Variants in CDC6 observed in about 807,000 individuals in gnomAD.
CDC6 encodes DNA replication factor CDC6.
In CDC6, 46 loss-of-function variants were observed where a neutral mutation model predicts 60.2. The ratio of observed to expected loss-of-function variants is 0.76; its 90% CI spans 0.60 to 0.98. The LOEUF (loss-of-function observed/expected upper bound fraction) is 0.98. Among genes scored for constraint, CDC6 ranks in the 50% least tolerant of loss-of-function variants. The pLI, the probability that CDC6 is intolerant of heterozygous loss-of-function variation, is 0.00. For synonymous variants in CDC6, 210 were observed against 233.2 expected (o/e 0.90, Z 0.90); for missense variants, 596 against 652.9 (o/e 0.91, Z 0.95).
chr17:40,303,691 C>G lies in CDC6; in HGVS notation c.*1690C>G, dbSNP rs2032967185. The G allele has an allele frequency of 6.6e-6, 1 of 152,200 alleles. No homozygotes were observed. Among genetic ancestry groups the G allele is most frequent in the South Asian group, 2.1e-4 (1 of 4,836 alleles). The allele number at this position is 152,200 out of a possible 1,614,324, so 9.4% of individuals were successfully genotyped here. On this transcript the variant is annotated 3_prime_UTR_variant, in exon 12 of 12. Coordinates refer to ENST00000209728, the MANE Select transcript of CDC6 (RefSeq NM_001254.4). The stretch of plus-strand genomic sequence containing the variant: ...TGAACATGGAAACACAGTTCTATAC[C>G]TAGAAGGTTGGAAAGTGTCTGGGAC...
rs764828062 is a variant in CDC6 at position 40,302,401 on chromosome 17, C to A, written c.*400C>A. ...GGCGCGTCTCACCCTGTTGCCCAGG[C>A]TGGAGTGCAATGGCGCGTTCTCTGC... On this transcript the variant is annotated 3_prime_UTR_variant, in exon 12 of 12. Coordinates refer to ENST00000209728, the MANE Select transcript of CDC6 (RefSeq NM_001254.4). 4.2e-6 allele frequency: 1 copy of A among 235,348 alleles called. No individual in the cohort carries two copies. Among genetic ancestry groups the A allele is most frequent in the Non-Finnish European group, 8.4e-6 (1 of 119,094 alleles). 14.6% of individuals were successfully genotyped at this position (235,348 alleles called of 1,614,324 possible). A position where few individuals can be genotyped will look rare whatever the true frequency, so the allele number is the denominator to read the frequency against.
intron 7 of CDC6, among the ~76,000 whole-genome samples, chr17:40,295,100 ATTT>A (rs991100987): frequency 2.0e-5 from 3 of 152,030 alleles, no homozygotes; most frequent in African/African-American, 7.2e-5. Context: ...GACTAAATAG[ATTT>A]TTTATTTTTG....
rs1010713345 is a variant in CDC6, at chr17:40,287,957, C to G, written c.-147C>G. ...GTTCAGGGGCTTGTGGTGGTGAGTC[C>G]GAGAGGCTGCGTGTGAGAGACGTGA... On this transcript the variant is annotated 5_prime_UTR_variant, in exon 1 of 12. Coordinates refer to ENST00000209728, the MANE Select transcript of CDC6 (RefSeq NM_001254.4). 6.5e-6 allele frequency: 1 copy of G among 153,272 alleles called. No individual in the cohort carries two copies. The highest frequency in any genetic ancestry group is 1.5e-5 in the Non-Finnish European group (1 of 68,442). 9.5% of individuals were successfully genotyped at this position (153,272 alleles called of 1,614,324 possible).
At chr17:40,296,852 A>G in intron 9 of CDC6, 85 bp downstream of exon 9, 2 of 936,430 alleles carry the variant, frequency 2.1e-6, no homozygotes, top group Admixed American at 3.4e-5. Flanking sequence ...TGAAATGAAC[A>G]TAGTTAAATC....
At chr17:40,295,253 A>T (rs2032840959) in intron 7 of CDC6, 103 bp from the exon 8 acceptor site, 1 of 825,434 alleles carries the variant, frequency 1.2e-6, no homozygotes, top group Non-Finnish European at 2.2e-6. Flanking sequence ...AAGAGTTGCC[A>T]ATCAAGTTTA....
At position 40,295,403 on chromosome 17, in the gene CDC6, C is replaced by A. The variant is rs752703353; in HGVS notation, c.1131C>A (p.Ala377=). Residue 377 remains alanine, a synonymous_variant, in exon 8 of 12, where the codon GCC becomes GCA. Coordinates refer to ENST00000209728, the MANE Select transcript of CDC6 (RefSeq NM_001254.4). The part of the protein sequence containing the change: ...VLDNAAVQFC[A]RKVSAVSGDV... ...ACAATGCTGCAGTTCAATTCTGTGCCCGCAAAGTCTCTGCTGTTTCAGGAG... is the reference window on the plus strand; with the variant it reads ...ACAATGCTGCAGTTCAATTCTGTGCACGCAAAGTCTCTGCTGTTTCAGGAG... 6.2e-7 allele frequency: 1 copy of A among 1,613,816 alleles called. No individual in the cohort carries two copies. The highest frequency in any genetic ancestry group is 1.7e-5 in the Admixed American group (1 of 59,998).
intron 4 of CDC6, among the ~76,000 whole-genome samples, chr17:40,292,008 A>G (rs147643381): frequency 2.2e-3 from 328 of 152,108 alleles, no homozygotes; most frequent in African/African-American, 7.4e-3. Context: ...TGGCCTCCCA[A>G]AGTGTTGGGA....
rs1201496382 is a variant in CDC6 at position 40,289,328 on chromosome 17, G to A, written c.-13-80G>A. 12 of 1,102,112 alleles carry A rather than the reference G, an allele frequency of 1.1e-5. No homozygotes were observed. In the Admixed American group the frequency reaches 2.0e-4, roughly 18 times the overall value. 68.3% of individuals were successfully genotyped at this position (1,102,112 alleles called of 1,614,324 possible). A position where few individuals can be genotyped will look rare whatever the true frequency, so the allele number is the denominator to read the frequency against. ...ATTAGGAAATAAGTGTTAATCATCA[G>A]TATAAATAAATTCCATGTTAGTTAT... On this transcript the variant is annotated intron_variant, in intron 1 of 11. Transcript: ENST00000209728.
At chr17:40,293,708 T>A in intron 5 of CDC6, 77 bp downstream of exon 5, 3 of 1,205,134 alleles carry the variant, frequency 2.5e-6, no homozygotes, top group Non-Finnish European at 3.7e-6. Flanking sequence ...ATTTTGTATA[T>A]TTTCTCTCTG....
chr17:40,301,013 G>A lies in CDC6; in HGVS notation c.1435G>A (p.Glu479Lys). 1.2e-6 allele frequency: 2 copies of A among 1,613,140 alleles called. No individual in the cohort carries two copies. The highest frequency in any genetic ancestry group is 1.7e-6 in the Non-Finnish European group (2 of 1,179,252). Reference sequence around the variant, plus strand: ...CTTGATCAGGCAGTTGAAAATCAAAGAGGTCACTCTGGGGAAGGTAAGTTG... The same window carrying A: ...CTTGATCAGGCAGTTGAAAATCAAAAAGGTCACTCTGGGGAAGGTAAGTTG... ...MLLIRQLKIKEVTLGKLYEAY... is the reference protein window; with the variant it reads ...MLLIRQLKIKKVTLGKLYEAY... Residue 479 changes from glutamate (E) to lysine (K), a missense_variant, in exon 10 of 12, where the codon GAG (glutamate) becomes AAG (lysine). Coordinates refer to ENST00000209728, the MANE Select transcript of CDC6 (RefSeq NM_001254.4).
chr17:40,292,407 G>T (rs747761594), intron 4 of CDC6, among the ~76,000 whole-genome samples: 2 of 151,710 alleles, frequency 1.3e-5, no homozygotes, highest in Non-Finnish European at 2.9e-5. Flanking sequence ...GAGGTGGGTG[G>T]ATCACCTAAG....
chr17:40,294,624 A>C, intron 7 of CDC6, 121 bp downstream of exon 7: 1 of 869,578 alleles, frequency 1.1e-6, no homozygotes, highest in South Asian at 1.4e-5. Flanking sequence ...AGGAGTTCCT[A>C]TGGACCATAG....
intron 2 of CDC6, among the ~76,000 whole-genome samples, chr17:40,290,616 C>T (rs4135002): frequency 1.3e-5 from 2 of 152,174 alleles, no homozygotes; most frequent in Admixed American, 1.3e-4. Flanking sequence ...CGCCTGCAAT[C>T]GAGGACAGTA....
intron 9 of CDC6, among the ~76,000 whole-genome samples, chr17:40,298,420 A>G (rs1204027363): frequency 1.4e-5 from 2 of 147,738 alleles, no homozygotes; most frequent in Non-Finnish European, 3.0e-5. Context: ...CTTTTTGTGT[A>G]AAACAAGGTC....
chr17:40,298,431 T>G (rs953666843), intron 9 of CDC6, among the ~76,000 whole-genome samples: 41 of 151,906 alleles, frequency 2.7e-4, no homozygotes, highest in African/African-American at 9.9e-4. Context: ...AAACAAGGTC[T>G]TGCTTTGTCT....
chr17:40,296,796 C>T (rs1282932768), intron 9 of CDC6, 29 bp downstream of exon 9: 2 of 1,406,366 alleles, frequency 1.4e-6, no homozygotes, highest in South Asian at 1.2e-5. Flanking sequence ...TCCTGTCTTC[C>T]TTTGTAACTA....
chr17:40,294,977 G>A (rs769304458), intron 7 of CDC6, among the ~76,000 whole-genome samples: 22 of 152,024 alleles, frequency 1.4e-4, no homozygotes, highest in Non-Finnish European at 3.1e-4. Context: ...TGCCTGTCTC[G>A]GCCTCTCAAA....
intron 1 of CDC6, among the ~76,000 whole-genome samples, chr17:40,288,379 G>C (rs1355116611): frequency 1.3e-5 from 2 of 152,126 alleles, no homozygotes; most frequent in Non-Finnish European, 2.9e-5. Flanking sequence ...CGCGTGCCTG[G>C]AGGGAGGAAA....
rs1458879104 is a variant in CDC6, at chr17:40,294,441, T to C, written c.1021T>C (p.Leu341=). 6.2e-7 allele frequency: 1 copy of C among 1,613,490 alleles called. No individual in the cohort carries two copies. The highest frequency in any genetic ancestry group is 8.5e-7 in the Non-Finnish European group (1 of 1,179,516). ...QAREKCKPQL[L]NFPPYTRNQI... ...TAGAGAAAAATGTAAGCCACAGCTGTTGAACTTCCCACCTTATACCAGAAA... is the reference window on the plus strand; with the variant it reads ...TAGAGAAAAATGTAAGCCACAGCTGCTGAACTTCCCACCTTATACCAGAAA... Residue 341 remains leucine (L), a synonymous_variant, in exon 7 of 12, where the codon TTG becomes CTG. Coordinates refer to ENST00000209728, the MANE Select transcript of CDC6 (RefSeq NM_001254.4).
Sources: allele counts gnomAD v4.1 joint callset (sites outside exome capture counted in the v4.1 genomes callset), GRCh38; gene constraint gnomAD v4.1.1; transcripts MANE v1.5; gene names NCBI Gene and HGNC (gene_info 2026-07-23, HGNC 2026-07-21).